The following GAPVD1 variants were observed in gnomAD, a reference collection of about 807,000 sequenced individuals.
The protein encoded by GAPVD1 is GTPase activating protein and VPS9 domains 1.
Under a neutral mutation model 155.5 loss-of-function variants are expected in GAPVD1, and 35 were observed. The ratio of observed to expected loss-of-function variants is 0.23; its 90% confidence interval spans 0.17 to 0.30. The LOEUF (loss-of-function observed/expected upper bound fraction) is 0.30. Ranked by LOEUF, GAPVD1 falls within the 10% of genes least tolerant of loss-of-function variation. The probability of loss-of-function intolerance (pLI) is 1.00; values close to 1 mark genes in which losing one functional copy is unlikely to be tolerated. For synonymous variants in GAPVD1, 636 were observed against 619.7 expected, an observed-to-expected ratio of 1.03 and a Z score of -0.39; for missense variants, 1,429 against 1,775.7, an observed-to-expected ratio of 0.80 and a Z score of 3.51.
chr9:125,349,582 T>C, intron 21 of GAPVD1, 63 bp downstream of exon 21: 2 of 1,407,240 alleles, frequency 1.4e-6, no homozygotes, highest in Non-Finnish European at 2.0e-6. Flanking sequence ...TGCAGTCACG[T>C]CAAGTCAAGT....
intron 4 of GAPVD1, among the ~76,000 whole-genome samples, chr9:125,301,250 T>C (rs1840807532): frequency 6.6e-6 from 1 of 152,054 alleles, no homozygotes; most frequent in Non-Finnish European, 1.5e-5. Context: ...CATATTTTTT[T>C]GTAGAGATGG....
intron 1 of GAPVD1, among the ~76,000 whole-genome samples, chr9:125,263,084 T>C (rs1180512694): frequency 3.3e-5 from 5 of 152,246 alleles, no homozygotes; most frequent in Non-Finnish European, 5.9e-5. Context: ...ATATAATTGG[T>C]TTCCCTTGTA....
intron 2 of GAPVD1, among the ~76,000 whole-genome samples, chr9:125,276,271 A>AT (rs2131983569): frequency 6.6e-6 from 1 of 152,348 alleles, no homozygotes; most frequent in South Asian, 2.1e-4. Context: ...TATACCAACT[A>AT]TTCTGTAGGC....
At chr9:125,283,172 G>A (rs958106500) in intron 2 of GAPVD1, among the ~76,000 whole-genome samples, 3 of 151,398 alleles carry the variant, frequency 2.0e-5, no homozygotes, top group Non-Finnish European at 2.9e-5. Context: ...CAATTCTCCT[G>A]CCTCAGCCTT....
At chr9:125,313,704 C>G (rs1042241097) in intron 9 of GAPVD1, among the ~76,000 whole-genome samples, 2 of 152,146 alleles carry the variant, frequency 1.3e-5, no homozygotes, top group African/African-American at 2.4e-5. Context: ...TGGGTTCAAG[C>G]AATTCTCCTG....
At chr9:125,314,811 G>A (rs544032215) in intron 9 of GAPVD1, among the ~76,000 whole-genome samples, 4 of 141,646 alleles carry the variant, frequency 2.8e-5, no homozygotes, top group South Asian at 2.2e-4. Context: ...TTTTTGAGAC[G>A]GAGTCTCACT....
intron 25 of GAPVD1, among the ~76,000 whole-genome samples, chr9:125,359,152 G>T (rs1850550768): frequency 2.0e-5 from 3 of 151,968 alleles, no homozygotes; most frequent in Admixed American, 2.0e-4. Flanking sequence ...CCTACCAAGG[G>T]CTCCTCTCCT....
chr9:125,352,025 G>A (rs1849357818), intron 23 of GAPVD1, among the ~76,000 whole-genome samples: 2 of 152,170 alleles, frequency 1.3e-5, no homozygotes, highest in African/African-American at 4.8e-5. Context: ...ACAGGTGTCA[G>A]CCACCACACC....
intron 2 of GAPVD1, among the ~76,000 whole-genome samples, chr9:125,275,013 A>T (rs1431316293): frequency 6.6e-6 from 1 of 152,042 alleles, no homozygotes; most frequent in Non-Finnish European, 1.5e-5. Flanking sequence ...TCGCTTAATG[A>T]TGTCTGATGG....
intron 3 of GAPVD1, among the ~76,000 whole-genome samples, chr9:125,295,775 A>C (rs1839754527): frequency 6.6e-6 from 1 of 152,060 alleles, no homozygotes; most frequent in African/African-American, 2.4e-5. Context: ...TGAAGACTTT[A>C]ATTTCTAAAT....
chr9:125,333,735 G>T (rs981212178), intron 15 of GAPVD1, among the ~76,000 whole-genome samples: 2 of 152,122 alleles, frequency 1.3e-5, no homozygotes, highest in African/African-American at 4.8e-5. Flanking sequence ...TGATCTGCCC[G>T]CCTCGGCCTC....
At position 125,323,931 on chromosome 9, in the gene GAPVD1, G is replaced by A. The variant is rs767292054; in HGVS notation, c.1858+8G>A. The A allele has an allele frequency of 1.2e-6, 2 of 1,611,752 alleles. No individual in the cohort carries two copies. Among genetic ancestry groups the A allele is most frequent in the Non-Finnish European group, 1.7e-6 (2 of 1,178,958 alleles). On this transcript the variant is annotated splice_region_variant and intron_variant, in intron 11 of 27. Coordinates refer to ENST00000297933, the MANE Select transcript of GAPVD1 (RefSeq NM_001282680.3). ...TGTTAGAACATGAGCAAGGTAAAGT[G>A]AAGTTGAACACAGTTGCCTAAGTAG...
At chr9:125,304,041 G>GA (rs1841391926) in intron 5 of GAPVD1, 1 of 152,026 alleles carries the variant, frequency 6.6e-6, no homozygotes, top group African/African-American at 2.4e-5. Flanking sequence ...TTTTTGACAT[G>GA]AAACAGTAGG....
chr9:125,354,651 T>C lies in GAPVD1; in HGVS notation c.3570-3T>C, dbSNP rs1438857800. The C allele has an allele frequency of 1.9e-6, 3 of 1,600,156 alleles. No homozygotes were observed. The highest frequency in any genetic ancestry group is 4.5e-5 in the East Asian group (2 of 44,814). ...ATGTCATGCAAAGTATTTTTCCTTT[T>C]AGAAAAAGAGCCCCATATATTGCTT... On this transcript the variant is annotated splice_region_variant and splice_polypyrimidine_tract_variant and intron_variant, in intron 23 of 27. Transcript: ENST00000297933.
intron 2 of GAPVD1, among the ~76,000 whole-genome samples, chr9:125,269,451 T>C (rs1166926629): frequency 6.6e-6 from 1 of 152,102 alleles, no homozygotes; most frequent in African/African-American, 2.4e-5. Flanking sequence ...TTTTCAACTT[T>C]AACTCCTTAA....
In GAPVD1 at chr9:125,350,701, T is replaced by C; in HGVS notation, c.3410-12T>C. The C allele has an allele frequency of 4.2e-6, 6 of 1,443,760 alleles. No individual in the cohort carries two copies. Among genetic ancestry groups the C allele is most frequent in the South Asian group, 1.2e-5 (1 of 84,412 alleles). The allele number at this position is 1,443,760 out of a possible 1,614,324, so 89.4% of individuals were successfully genotyped here. On this transcript the variant is annotated splice_polypyrimidine_tract_variant and intron_variant, in intron 22 of 27. Transcript: ENST00000297933. Reference sequence around the variant, plus strand: ...TCTCAAGAATAACAGAATTCTTGTATCTTTTATTTAGACAATGAAATTGTA... The same window carrying C: ...TCTCAAGAATAACAGAATTCTTGTACCTTTTATTTAGACAATGAAATTGTA...
At chr9:125,279,235 G>A (rs939164573) in intron 2 of GAPVD1, among the ~76,000 whole-genome samples, 1 of 150,940 alleles carries the variant, frequency 6.6e-6, no homozygotes. Context: ...AGACAGTCAT[G>A]TACTCTTTTG....
chr9:125,297,934 C>CG (rs1418274099), intron 3 of GAPVD1, among the ~76,000 whole-genome samples: 1 of 152,060 alleles, frequency 6.6e-6, no homozygotes, highest in East Asian at 1.9e-4. Flanking sequence ...TTAGTAGAAA[C>CG]GGGGTTTCAT....
intron 1 of GAPVD1, among the ~76,000 whole-genome samples, chr9:125,265,924 T>TAAAAAAAAAAAAAAAAAAA (rs1294990326): frequency 5.5e-5 from 4 of 72,692 alleles, no homozygotes; most frequent in Non-Finnish European, 8.7e-5. Context: ...AAAAAATTTA[T>TAAAAAAAAAAAAAAAAAAA]AAAAAAAAAA....
Sources: allele counts gnomAD v4.1 joint callset (sites outside exome capture counted in the v4.1 genomes callset), GRCh38; gene constraint gnomAD v4.1.1; transcripts MANE v1.5; gene names NCBI Gene and HGNC (gene_info 2026-07-23, HGNC 2026-07-21).